The following ESRRG variants were observed in gnomAD, a reference collection of about 807,000 sequenced individuals.
The protein encoded by ESRRG is estrogen related receptor gamma.
Under a neutral mutation model 44.0 loss-of-function variants are expected in ESRRG, and 13 were observed. The observed-to-expected ratio is 0.30, with a 90% CI of 0.19 to 0.47. ESRRG has a LOEUF of 0.47. Among genes scored for constraint, ESRRG ranks in the 20% least tolerant of loss-of-function variants. The pLI is 1.00. For synonymous variants in ESRRG, 215 were observed against 214.6 expected, an observed-to-expected ratio of 1.00 and a Z score of -0.02; for missense variants, 395 against 580.6, an observed-to-expected ratio of 0.68 and a Z score of 3.29.
chr1:216,827,066 A>G (rs1312150253), intron 2 of ESRRG, among the ~76,000 whole-genome samples: 1 of 152,334 alleles, frequency 6.6e-6, no homozygotes, highest in East Asian at 1.9e-4. Flanking sequence ...ACAGATTATG[A>G]TCATAGAAAA....
At chr1:216,592,681 G>A (rs1185245057) in intron 3 of ESRRG, among the ~76,000 whole-genome samples, 1 of 152,078 alleles carries the variant, frequency 6.6e-6, no homozygotes, top group African/African-American at 2.4e-5. Flanking sequence ...TGTATTTTTA[G>A]TAGAGATGGT....
intron 2 of ESRRG, among the ~76,000 whole-genome samples, chr1:216,768,276 G>T (rs983155670): frequency 1.3e-5 from 2 of 152,062 alleles, no homozygotes; most frequent in Non-Finnish European, 2.9e-5. Context: ...ATTGAGAAAG[G>T]GTTGATGTGA....
intron 2 of ESRRG, among the ~76,000 whole-genome samples, chr1:216,767,283 A>T (rs959369320): frequency 6.6e-6 from 1 of 152,080 alleles, no homozygotes; most frequent in Non-Finnish European, 1.5e-5. Context: ...ACACACACAC[A>T]CGCAAAGGAG....
intron 1 of ESRRG, among the ~76,000 whole-genome samples, chr1:217,119,424 T>C (rs1199421551): frequency 6.6e-6 from 1 of 152,226 alleles, no homozygotes; most frequent in Non-Finnish European, 1.5e-5. Flanking sequence ...ATGGACCATG[T>C]AAATCTGAAT....
At chr1:217,033,901 C>A (rs1046284868) in intron 1 of ESRRG, among the ~76,000 whole-genome samples, 1 of 152,154 alleles carries the variant, frequency 6.6e-6, no homozygotes, top group East Asian at 1.9e-4. Context: ...AGTTTAAATA[C>A]GTTCGTTAAA....
At chr1:216,851,070 A>G (rs1289627525) in intron 2 of ESRRG, among the ~76,000 whole-genome samples, 3 of 149,944 alleles carry the variant, frequency 2.0e-5, no homozygotes, top group Non-Finnish European at 4.4e-5. Context: ...CACCAACATG[A>G]TATTTTGTTT....
At chr1:216,600,886 C>T (rs1558742334) in intron 3 of ESRRG, among the ~76,000 whole-genome samples, 5 of 152,202 alleles carry the variant, frequency 3.3e-5, no homozygotes, top group African/African-American at 1.2e-4. Context: ...TGGTTGGACG[C>T]AGGCTGCATC....
chr1:216,824,797 T>C (rs975816655), intron 2 of ESRRG, among the ~76,000 whole-genome samples: 6 of 152,230 alleles, frequency 3.9e-5, no homozygotes, highest in African/African-American at 7.2e-5. Flanking sequence ...TAGTGTCTTA[T>C]TATGGCAAAT....
intron 1 of ESRRG, among the ~76,000 whole-genome samples, chr1:217,035,357 C>T (rs1579856132): frequency 6.9e-6 from 1 of 145,016 alleles, no homozygotes; most frequent in South Asian, 2.2e-4. Flanking sequence ...GAGCCAAGTA[C>T]CAATGTGGTG....
At chr1:216,828,336 T>C (rs571711709) in intron 2 of ESRRG, among the ~76,000 whole-genome samples, 2 of 152,300 alleles carry the variant, frequency 1.3e-5, no homozygotes, top group Admixed American at 6.5e-5. Context: ...AGTACCTTAA[T>C]GCATGGATTT....
chr1:216,523,681 G>A (rs1057498617), intron 5 of ESRRG, among the ~76,000 whole-genome samples: 1 of 152,030 alleles, frequency 6.6e-6, no homozygotes, highest in Non-Finnish European at 1.5e-5. Flanking sequence ...GAAATAGGCT[G>A]CAGTGCAGGC....
At chr1:216,783,247 C>G (rs1314836361) in intron 2 of ESRRG, among the ~76,000 whole-genome samples, 2 of 151,982 alleles carry the variant, frequency 1.3e-5, no homozygotes, top group Non-Finnish European at 2.9e-5. Flanking sequence ...CTTAGAACAA[C>G]ACATTTACCA....
intron 2 of ESRRG, among the ~76,000 whole-genome samples, chr1:216,938,891 T>C (rs1215409321): frequency 6.6e-6 from 1 of 152,218 alleles, no homozygotes; most frequent in East Asian, 1.9e-4. Context: ...CGTATGATAG[T>C]CATTACAACT....
At chr1:216,534,196 C>T (rs1471388248) in intron 5 of ESRRG, among the ~76,000 whole-genome samples, 1 of 152,166 alleles carries the variant, frequency 6.6e-6, no homozygotes, top group African/African-American at 2.4e-5. Flanking sequence ...GCTTCTCGCT[C>T]ATTCACTCCA....
intron 2 of ESRRG, among the ~76,000 whole-genome samples, chr1:216,938,146 T>C (rs1199764618): frequency 6.6e-6 from 1 of 152,192 alleles, no homozygotes; most frequent in Non-Finnish European, 1.5e-5. Context: ...AATCAAATCA[T>C]ATTTTAAATG....
chr1:216,640,187 C>G (rs1236040422), intron 3 of ESRRG, among the ~76,000 whole-genome samples: 1 of 152,102 alleles, frequency 6.6e-6, no homozygotes, highest in Non-Finnish European at 1.5e-5. Flanking sequence ...GCCGCACTGG[C>G]TCTCAAAAAG....
At chr1:217,095,570 C>T (rs183088648) in intron 1 of ESRRG, among the ~76,000 whole-genome samples, 40 of 152,216 alleles carry the variant, frequency 2.6e-4, no homozygotes, top group African/African-American at 9.2e-4. Flanking sequence ...TGGCAGGAAA[C>T]TGAAATCAAC....
At chr1:217,043,126 TTAA>T (rs1432731021) in intron 1 of ESRRG, among the ~76,000 whole-genome samples, 1 of 152,128 alleles carries the variant, frequency 6.6e-6, no homozygotes, top group African/African-American at 2.4e-5. Context: ...ACACAAAGAC[TTAA>T]TAATAACCTC....
chr1:216,761,184 T>C (rs1422485971), intron 2 of ESRRG, among the ~76,000 whole-genome samples: 1 of 151,894 alleles, frequency 6.6e-6, no homozygotes, highest in Non-Finnish European at 1.5e-5. Flanking sequence ...ATTTTCTTGT[T>C]CTAGAAATAA....
Sources: allele counts gnomAD v4.1 joint callset (sites outside exome capture counted in the v4.1 genomes callset), GRCh38; gene constraint gnomAD v4.1.1; transcripts MANE v1.5; gene names NCBI Gene and HGNC (gene_info 2026-07-23, HGNC 2026-07-21).